ZNF385D: variants seen among roughly 807,000 people sequenced by gnomAD.
ZNF385D encodes zinc finger protein 385D, also known as zinc finger protein 659.
ZNF385D carries 15 observed loss-of-function variants against 35.8 expected under a neutral mutation model. The observed-to-expected ratio is 0.42, with a 90% confidence interval of 0.28 to 0.64. ZNF385D has a LOEUF of 0.64. Ranked by LOEUF, ZNF385D falls within the 30% of genes least tolerant of loss-of-function variation. ZNF385D has a pLI of 0.23. For missense variants in ZNF385D, 474 were observed against 494.6 expected, an observed-to-expected ratio of 0.96 and a Z score of 0.39; for synonymous variants, 212 against 186.8, an observed-to-expected ratio of 1.13 and a Z score of -1.10.
chr3:21,888,130 A>G (rs547985122), intron 3 of ZNF385D, among the ~76,000 whole-genome samples: 1 of 152,246 alleles, frequency 6.6e-6, no homozygotes, highest in African/African-American at 2.4e-5. Context: ...ATTCTAGTTA[A>G]TTATTCCTCA....
chr3:21,783,168 G>C (rs2071557453), intron 3 of ZNF385D, among the ~76,000 whole-genome samples: 1 of 152,038 alleles, frequency 6.6e-6, no homozygotes, highest in African/African-American at 2.4e-5. Context: ...TTCACGTCTT[G>C]GAATTTTCAG....
chr3:22,105,976 C>T (rs915886474), intron 3 of ZNF385D, among the ~76,000 whole-genome samples: 1 of 152,004 alleles, frequency 6.6e-6, no homozygotes, highest in Non-Finnish European at 1.5e-5. Flanking sequence ...TCATAAATAA[C>T]TTTCATATTA....
chr3:21,536,208 T>C lies in ZNF385D; in HGVS notation c.277-25185A>G, dbSNP rs180977041. 3.0e-3 allele frequency among the ~76,000 whole-genome samples: 457 copies of C among 152,214 alleles called. 5 individuals are homozygous for C. The highest frequency in any genetic ancestry group is 9.6e-3 in the African/African-American group (401 of 41,558). On this transcript the variant is annotated intron_variant, in intron 3 of 7. Transcript: ENST00000281523. The stretch of plus-strand genomic sequence containing the variant: ...ACCAGGTATTCATCTTATTTGTTGA[T>C]GAAGTAGGTAATGGAGGACTCTAGC...
chr3:22,020,104 C>T (rs1697135822), intron 3 of ZNF385D, among the ~76,000 whole-genome samples: 1 of 151,570 alleles, frequency 6.6e-6, no homozygotes, highest in African/African-American at 2.4e-5. Context: ...TAAAAAGAAT[C>T]CTTCATTAGT....
chr3:22,004,110 C>G (rs1239026191), intron 3 of ZNF385D, among the ~76,000 whole-genome samples: 1 of 151,930 alleles, frequency 6.6e-6, no homozygotes, highest in Non-Finnish European at 1.5e-5. Flanking sequence ...ACACATAAAC[C>G]AATGGAACAG....
At chr3:21,602,625 C>T (rs111973740) in intron 2 of ZNF385D, among the ~76,000 whole-genome samples, 2,993 of 146,414 alleles carry the variant, frequency 0.02, 95 homozygotes, top group African/African-American at 0.072. Context: ...CTCCGCTTCC[C>T]GGGTTCACGC....
chr3:22,172,267 G>A (rs550189474), intron 2 of ZNF385D, among the ~76,000 whole-genome samples: 3 of 152,308 alleles, frequency 2.0e-5, no homozygotes, highest in Non-Finnish European at 4.4e-5. Flanking sequence ...TCAAAGGAAT[G>A]AGGTGTTTGT....
rs561233219 is a variant in ZNF385D, at chr3:22,244,784, T to G, written c.107-75749A>C. ...GTATCAGCGAGCTCTAAAATCATTG[T>G]AGGCACATTTATTATTTTGGGGGAA... On this transcript the variant is annotated intron_variant, in intron 2 of 5. Transcript: ENST00000494108. Among the ~76,000 whole-genome samples the G allele has an allele frequency of 3.3e-5, 5 of 151,076 alleles. No individual in the cohort carries two copies. The East Asian group carries it at 5.9e-4, about 18-fold the overall frequency.
At chr3:22,341,068 G>A (rs1269815062) in intron 2 of ZNF385D, among the ~76,000 whole-genome samples, 2 of 152,172 alleles carry the variant, frequency 1.3e-5, no homozygotes, top group East Asian at 3.9e-4. Context: ...TAGGGACTTA[G>A]ACAAAGAATC....
intron 3 of ZNF385D, among the ~76,000 whole-genome samples, chr3:22,041,993 T>G (rs71312025): frequency 6.6e-6 from 1 of 152,090 alleles, no homozygotes; most frequent in Admixed American, 6.6e-5. Flanking sequence ...AGTATTTTAT[T>G]GCCTTACAAA....
chr3:22,177,927 T>C (rs925269755), intron 2 of ZNF385D, among the ~76,000 whole-genome samples: 1 of 152,248 alleles, frequency 6.6e-6, no homozygotes, highest in Non-Finnish European at 1.5e-5. Context: ...TCCTTTTTTA[T>C]GGCTGTACAG....
intron 2 of ZNF385D, among the ~76,000 whole-genome samples, chr3:21,610,267 C>T (rs1478217168): frequency 2.0e-5 from 3 of 152,066 alleles, no homozygotes; most frequent in Admixed American, 6.5e-5. Flanking sequence ...TATAAGAACA[C>T]GAATACAAAG....
intron 1 of ZNF385D, among the ~76,000 whole-genome samples, chr3:21,726,170 A>C (rs2068756815): frequency 1.3e-5 from 2 of 152,336 alleles, no homozygotes; most frequent in South Asian, 4.1e-4. Flanking sequence ...TATCGATGGA[A>C]CATATTTCAA....
intron 2 of ZNF385D, among the ~76,000 whole-genome samples, chr3:21,648,452 C>T (rs2065816946): frequency 6.6e-6 from 1 of 152,120 alleles, no homozygotes. Flanking sequence ...CTAATACCGG[C>T]TGTATAGAGT....
chr3:22,318,534 T>A (rs1575109382), intron 2 of ZNF385D, among the ~76,000 whole-genome samples: 1 of 152,216 alleles, frequency 6.6e-6, no homozygotes, highest in East Asian at 1.9e-4. Flanking sequence ...TGTTTCTGAT[T>A]GAGAGAGGAG....
chr3:21,765,658 A>AT (rs2070796734), intron 3 of ZNF385D, among the ~76,000 whole-genome samples: 2 of 150,654 alleles, frequency 1.3e-5, no homozygotes, highest in African/African-American at 5.0e-5. Flanking sequence ...AAAAAATAGA[A>AT]AGAGGAAGAA....
At chr3:22,118,519 G>C (rs1442425601) in intron 3 of ZNF385D, among the ~76,000 whole-genome samples, 1 of 152,032 alleles carries the variant, frequency 6.6e-6, no homozygotes, top group African/African-American at 2.4e-5. Flanking sequence ...GCCTAGATAA[G>C]ACATTTTAAA....
intron 3 of ZNF385D, among the ~76,000 whole-genome samples, chr3:21,879,358 T>A (rs1243000645): frequency 6.6e-6 from 1 of 152,006 alleles, no homozygotes; most frequent in Non-Finnish European, 1.5e-5. Context: ...TCTCTGGGAT[T>A]AGAGTGCTGG....
intron 2 of ZNF385D, among the ~76,000 whole-genome samples, chr3:22,293,464 A>T (rs1352868): frequency 6.6e-6 from 1 of 151,966 alleles, no homozygotes; most frequent in Non-Finnish European, 1.5e-5. Flanking sequence ...TAAGCCAATA[A>T]AAGAGTCCTC....
Sources: gnomAD v4.1 joint callset for allele counts (sites outside exome capture counted in the v4.1 genomes callset) on GRCh38, gnomAD v4.1.1 for gene constraint, MANE v1.5 for transcripts, NCBI Gene and HGNC (gene_info 2026-07-23, HGNC 2026-07-21) for gene names.